Variants in CWC22 observed in about 807,000 individuals in gnomAD.
The protein encoded by CWC22 is pre-mRNA-splicing factor CWC22 homolog.
Under a neutral mutation model 117.2 loss-of-function variants are expected in CWC22, and 53 were observed. The ratio of observed to expected loss-of-function variants is 0.45; its 90% CI spans 0.36 to 0.57. CWC22 has a LOEUF of 0.57. Ranked by LOEUF, CWC22 falls within the 20% of genes least tolerant of loss-of-function variation. CWC22 has a pLI of 0.00. For missense variants in CWC22, 980 were observed against 1,068.8 expected, an observed-to-expected ratio of 0.92 and a Z score of 1.16; for synonymous variants, 360 against 355.6, an observed-to-expected ratio of 1.01 and a Z score of -0.14.
At chr2:179,953,532 A>G (rs1011143884) in intron 16 of CWC22, among the ~76,000 whole-genome samples, 6 of 152,074 alleles carry the variant, frequency 3.9e-5, no homozygotes, top group Admixed American at 1.3e-4. Flanking sequence ...AGGAGGGGCC[A>G]TGTATAATTC....
intron 11 of CWC22, among the ~76,000 whole-genome samples, chr2:179,970,008 G>C (rs887036082): frequency 6.6e-6 from 1 of 152,012 alleles, no homozygotes; most frequent in African/African-American, 2.4e-5. Context: ...TCCAAAGTTA[G>C]TACTTACAAT....
chr2:179,971,746 C>T (rs927291525), intron 8 of CWC22, among the ~76,000 whole-genome samples: 4 of 152,032 alleles, frequency 2.6e-5, no homozygotes, highest in African/African-American at 9.7e-5. Context: ...GAGAAGAAAA[C>T]GAACAACAAA....
At chr2:179,991,681 T>C (rs532039732) in intron 2 of CWC22, among the ~76,000 whole-genome samples, 1 of 152,326 alleles carries the variant, frequency 6.6e-6, no homozygotes, top group South Asian at 2.1e-4. Context: ...AGCGCTCTTG[T>C]CTAACATGGC....
At chr2:179,950,333 A>G (rs1162376671) in intron 19 of CWC22, among the ~76,000 whole-genome samples, 179 bp downstream of exon 19, 1 of 152,202 alleles carries the variant, frequency 6.6e-6, no homozygotes, top group Non-Finnish European at 1.5e-5. Context: ...TAATCCCAGC[A>G]TTATAAATGT....
chr2:179,996,002 A>G (rs1206133521), intron 1 of CWC22, among the ~76,000 whole-genome samples: 1 of 152,198 alleles, frequency 6.6e-6, no homozygotes, highest in African/African-American at 2.4e-5. Flanking sequence ...CTCTGAACCA[A>G]CACATGTACA....
chr2:179,973,593 G>C, intron 7 of CWC22, 41 bp downstream of exon 7: 2 of 1,263,500 alleles, frequency 1.6e-6, no homozygotes, highest in Non-Finnish European at 2.2e-6. Flanking sequence ...TTGTTAGTTT[G>C]TTCCTATGTA....
At chr2:179,950,178 T>C (rs1410744417) in intron 19 of CWC22, among the ~76,000 whole-genome samples, 4 of 152,094 alleles carry the variant, frequency 2.6e-5, no homozygotes, top group Non-Finnish European at 5.9e-5. Flanking sequence ...AGTAAAAAAC[T>C]AAAATTTATT....
At chr2:179,968,309 A>C (rs995834010) in intron 11 of CWC22, among the ~76,000 whole-genome samples, 3 of 152,138 alleles carry the variant, frequency 2.0e-5, no homozygotes, top group Non-Finnish European at 4.4e-5. Flanking sequence ...TAGTTGTTAA[A>C]TATTGGCATT....
At chr2:179,949,322 C>G (rs1483770242) in intron 19 of CWC22, among the ~76,000 whole-genome samples, 1 of 152,044 alleles carries the variant, frequency 6.6e-6, no homozygotes, top group African/African-American at 2.4e-5. Context: ...TAAAGAAAAC[C>G]TACAAATCAA....
chr2:179,963,179 A>G lies in CWC22; in HGVS notation c.1397+1368T>C, dbSNP rs569737608. On this transcript the variant is annotated intron_variant, in intron 13 of 19. Coordinates refer to ENST00000410053, the MANE Select transcript of CWC22 (RefSeq NM_020943.3). The stretch of plus-strand genomic sequence containing the variant: ...ACTGTAACTCTTCAAAGTTAATGTA[A>G]CTGCAATACTAACACAGTAAATCTG... Among the ~76,000 whole-genome samples, 640 of 151,996 alleles carry G rather than the reference A, an allele frequency of 4.2e-3. 5 individuals are homozygous for G. Among genetic ancestry groups the G allele is most frequent in the South Asian group, 7.9e-3 (38 of 4,816 alleles).
intron 1 of CWC22, among the ~76,000 whole-genome samples, chr2:180,002,984 C>T (rs1018362891): frequency 6.6e-6 from 1 of 152,190 alleles, no homozygotes; most frequent in Non-Finnish European, 1.5e-5. Context: ...GTGTCTGCTA[C>T]TTAATAAGTT....
intron 11 of CWC22, among the ~76,000 whole-genome samples, chr2:179,968,084 T>C (rs1686938117): frequency 6.6e-6 from 1 of 152,208 alleles, no homozygotes; most frequent in South Asian, 2.1e-4. Flanking sequence ...AGGTATTATA[T>C]CAACATGTTA....
rs745609782 is a variant in CWC22, at chr2:179,973,700, T to G, written c.684A>C (p.Gln228His). The G allele has an allele frequency of 1.2e-6, 2 of 1,611,442 alleles. No homozygotes were observed. Among genetic ancestry groups the G allele is most frequent in the South Asian group, 1.1e-5 (1 of 90,892 alleles). Residue 228 changes from glutamine to histidine, a missense_variant, in exon 7 of 20, where the codon CAA becomes CAC. Physicochemically the swap from Gln to His is conservative, Grantham distance 24. This residue lies in a region of CWC22 where 559 missense variants were observed against 602.3 expected (regional missense o/e 0.93). Transcript: ENST00000410053. ...LVAIINSKFP[Q>H]IGELILKRLI... ...ACCTTTTGAGGATTAATTCTCCAAT[T>G]TGTGGAAATTTTGAGTTGATAATTG...
chr2:180,006,158 G>C (rs921341205), intron 1 of CWC22, among the ~76,000 whole-genome samples: 1 of 147,786 alleles, frequency 6.8e-6, no homozygotes, highest in African/African-American at 2.5e-5. Context: ...TTGCTTATCT[G>C]CTATTTCGAG....
At chr2:180,001,504 A>G (rs1049351091) in intron 1 of CWC22, among the ~76,000 whole-genome samples, 1 of 151,948 alleles carries the variant, frequency 6.6e-6, no homozygotes, top group Non-Finnish European at 1.5e-5. Context: ...AATTTTGTGT[A>G]TTTTTAGTAG....
intron 3 of CWC22, among the ~76,000 whole-genome samples, chr2:179,988,120 C>T (rs932035491): frequency 5.3e-5 from 8 of 152,266 alleles, no homozygotes; most frequent in Non-Finnish European, 7.4e-5. Flanking sequence ...GGAGCTCAGG[C>T]GGGAATGCTG....
chr2:179,950,123 A>G (rs2105506232), intron 19 of CWC22, among the ~76,000 whole-genome samples: 1 of 152,268 alleles, frequency 6.6e-6, no homozygotes, highest in Admixed American at 6.5e-5. Flanking sequence ...GAGATCCACA[A>G]TGAATGTATG....
intron 1 of CWC22, among the ~76,000 whole-genome samples, chr2:179,995,781 T>A (rs1189839765): frequency 6.6e-6 from 1 of 152,192 alleles, no homozygotes; most frequent in African/African-American, 2.4e-5. Flanking sequence ...CCATTTAATA[T>A]AGCTTTAGTC....
intron 5 of CWC22, among the ~76,000 whole-genome samples, chr2:179,980,891 A>G (rs967984050): frequency 1.1e-4 from 16 of 152,168 alleles, no homozygotes; most frequent in Non-Finnish European, 2.4e-4. Context: ...TCAATCTGGG[A>G]CCATACATTC....
Sources: gnomAD v4.1 joint callset for allele counts (sites outside exome capture counted in the v4.1 genomes callset) on GRCh38, gnomAD v4.1.1 for gene constraint, gnomAD v4.1.1 regional missense constraint, MANE v1.5 for transcripts, NCBI Gene and HGNC (gene_info 2026-07-23, HGNC 2026-07-21) for gene names.